Variants in GNAI1 observed in about 807,000 individuals in gnomAD.
GNAI1 encodes guanine nucleotide-binding protein G(i) subunit alpha-1.
Under a neutral mutation model 38.9 loss-of-function variants are expected in GNAI1, and 11 were observed. The observed-to-expected ratio is 0.28, with a 90% CI of 0.18 to 0.47. The LOEUF (loss-of-function observed/expected upper bound fraction) is 0.47, where lower values mean the gene tolerates loss of function less well. GNAI1 is among the 20% of genes least tolerant of loss of function. The pLI is 0.99. For synonymous variants in GNAI1, 166 were observed against 145.1 expected, an observed-to-expected ratio of 1.14 and a Z score of -1.04; for missense variants, 317 against 436.9, an observed-to-expected ratio of 0.73 and a Z score of 2.45.
intron 7 of GNAI1, among the ~76,000 whole-genome samples, chr7:80,216,120 T>G (rs545691288): frequency 6.6e-6 from 1 of 152,270 alleles, no homozygotes; most frequent in South Asian, 2.1e-4. Context: ...ATTGAAGCAT[T>G]ACATAGAGCA....
At chr7:80,177,882 A>G (rs1043225801) in intron 1 of GNAI1, among the ~76,000 whole-genome samples, 28 of 152,372 alleles carry the variant, frequency 1.8e-4, no homozygotes, top group Middle Eastern at 3.4e-3. Flanking sequence ...TTGTGAGGCT[A>G]TAGCTGCCAT....
intron 1 of GNAI1, among the ~76,000 whole-genome samples, chr7:80,148,768 AGATT>A (rs1302053307): frequency 1.3e-5 from 2 of 152,142 alleles, no homozygotes; most frequent in Non-Finnish European, 2.9e-5. Context: ...TTAGCTATTT[AGATT>A]GATGGTAGTT....
intron 1 of GNAI1, among the ~76,000 whole-genome samples, chr7:80,177,319 C>T (rs146870659): frequency 2.0e-5 from 3 of 152,070 alleles, no homozygotes; most frequent in East Asian, 1.9e-4. Flanking sequence ...CATGAGCCAC[C>T]GCGCCCGGCC....
chr7:80,171,692 C>T (rs980009351), intron 1 of GNAI1, among the ~76,000 whole-genome samples: 11 of 152,228 alleles, frequency 7.2e-5, no homozygotes, highest in African/African-American at 2.4e-4. Context: ...ATATCTTTTC[C>T]GGAACCAAAT....
At chr7:80,202,094 GT>G (rs2115678520) in intron 4 of GNAI1, among the ~76,000 whole-genome samples, 1 of 151,824 alleles carries the variant, frequency 6.6e-6, no homozygotes, top group East Asian at 1.9e-4. Context: ...GTTGTTTCTG[GT>G]TTTTTTGTTT....
chr7:80,140,358 G>C (rs73149541), intron 1 of GNAI1, among the ~76,000 whole-genome samples: 1 of 152,126 alleles, frequency 6.6e-6, no homozygotes, highest in Non-Finnish European at 1.5e-5. Flanking sequence ...CTATCTTACA[G>C]AATTTAATAG....
At chr7:80,205,422 A>C (rs1163724422) in intron 5 of GNAI1, among the ~76,000 whole-genome samples, 1 of 152,136 alleles carries the variant, frequency 6.6e-6, no homozygotes. Flanking sequence ...AGCTTTATAG[A>C]TACGTTGACC....
chr7:80,203,695 T>A lies in GNAI1; in HGVS notation c.462-9T>A, dbSNP rs912688731. On this transcript the variant is annotated splice_polypyrimidine_tract_variant and intron_variant, in intron 4 of 7. Coordinates refer to ENST00000649796, the MANE Select transcript of GNAI1 (RefSeq NM_002069.6). ...CCATTAACATGTTGTTTTGTTTAAT[T>A]TTTTTCAGCTATTTGAATGACTTGG... The A allele has an allele frequency of 7.7e-6, 12 of 1,559,154 alleles. No individual in the cohort carries two copies. In the African/African-American group the frequency reaches 1.4e-4, roughly 18 times the overall value.
chr7:80,208,029 A>G (rs1788806376), intron 5 of GNAI1, among the ~76,000 whole-genome samples: 2 of 152,266 alleles, frequency 1.3e-5, no homozygotes, highest in South Asian at 4.1e-4. Context: ...GGAATGCAAC[A>G]TCCAGTTTAT....
chr7:80,203,983 TG>T, intron 5 of GNAI1, 151 bp downstream of exon 5: 3 of 481,560 alleles, frequency 6.2e-6, no homozygotes, highest in Non-Finnish European at 1.1e-5. Context: ...AAAGAATGTT[TG>T]GGAGAAAGAA....
At chr7:80,164,998 A>AGAGAAAG (rs1485825430) in intron 1 of GNAI1, among the ~76,000 whole-genome samples, 1 of 152,224 alleles carries the variant, frequency 6.6e-6, no homozygotes. Context: ...TCTCCAAAAA[A>AGAGAAAG]GAGAAAGCTC....
chr7:80,222,861 A>C lies in GNAI1; in HGVS notation c.*5368A>C, dbSNP rs1212043778. 6.6e-6 allele frequency among the ~76,000 whole-genome samples: 1 copy of C among 152,156 alleles called. No homozygotes were observed. Among genetic ancestry groups the C allele is most frequent in the Non-Finnish European group, 1.5e-5 (1 of 68,030 alleles). Reference sequence around the variant, plus strand: ...GGTTAAGTCCTGAAAAGCCCACTGTAAGTTGATAATACCTTATTTTGAAAA... The same window carrying C: ...GGTTAAGTCCTGAAAAGCCCACTGTCAGTTGATAATACCTTATTTTGAAAA... On this transcript the variant is annotated 3_prime_UTR_variant, in exon 8 of 8. Coordinates refer to ENST00000649796, the MANE Select transcript of GNAI1 (RefSeq NM_002069.6).
At chr7:80,170,160 A>C (rs1788076763) in intron 1 of GNAI1, among the ~76,000 whole-genome samples, 6 of 152,044 alleles carry the variant, frequency 3.9e-5, no homozygotes, top group Admixed American at 3.9e-4. Flanking sequence ...AGTATATTTC[A>C]TTTTTGTTGT....
intron 1 of GNAI1, among the ~76,000 whole-genome samples, chr7:80,148,786 A>G (rs1461821280): frequency 1.3e-5 from 2 of 152,104 alleles, no homozygotes; most frequent in Non-Finnish European, 2.9e-5. Context: ...GGTAGTTTTA[A>G]TAACTAAATA....
Position 80,182,030 on chromosome 7 carries a change from C to T in GNAI1, c.119-6921C>T, listed in dbSNP as rs564765563. 7.9e-4 allele frequency among the ~76,000 whole-genome samples: 121 copies of T among 152,208 alleles called. 1 individual carries two copies. The highest frequency in any genetic ancestry group is 3.4e-3 in the Middle Eastern group (1 of 292). ...TACCCTTTGACCCACATCTCCCTCC[C>T]TCCCCTTCAGTTTCCCCAGCTAATC... On this transcript the variant is annotated intron_variant, in intron 1 of 7. Coordinates refer to ENST00000649796, the MANE Select transcript of GNAI1 (RefSeq NM_002069.6).
intron 1 of GNAI1, among the ~76,000 whole-genome samples, chr7:80,159,950 G>GC (rs1373175397): frequency 6.6e-6 from 1 of 152,138 alleles, no homozygotes; most frequent in Non-Finnish European, 1.5e-5. Context: ...TTGGGCACTT[G>GC]CTAGTACTGG....
intron 1 of GNAI1, among the ~76,000 whole-genome samples, chr7:80,185,236 T>G (rs925983571): frequency 1.3e-5 from 2 of 150,894 alleles, no homozygotes; most frequent in African/African-American, 5.0e-5. Context: ...TAATTAAGCA[T>G]TATTCAGTCT....
intron 1 of GNAI1, among the ~76,000 whole-genome samples, chr7:80,144,596 A>T (rs1787585327): frequency 6.6e-6 from 1 of 152,048 alleles, no homozygotes; most frequent in Admixed American, 6.6e-5. Context: ...ACAATCCAGA[A>T]TTTTTTCTAG....
At chr7:80,210,945 T>G in intron 5 of GNAI1, 24 bp from the exon 6 acceptor site, 1 of 1,607,530 alleles carries the variant, frequency 6.2e-7, no homozygotes, top group South Asian at 1.1e-5. Context: ...TAATGTGATG[T>G]TAACTCATTT....
Sources: allele counts gnomAD v4.1 joint callset (sites outside exome capture counted in the v4.1 genomes callset), GRCh38; gene constraint gnomAD v4.1.1; transcripts MANE v1.5; gene names NCBI Gene and HGNC (gene_info 2026-07-23, HGNC 2026-07-21).